Variants in NFE2L2 observed in about 807,000 individuals in gnomAD.
The protein encoded by NFE2L2 is nuclear factor erythroid 2-related factor 2.
In NFE2L2, 20 loss-of-function variants were observed where a neutral mutation model predicts 49.6. The observed-to-expected ratio is 0.40, with a 90% CI of 0.28 to 0.59. The LOEUF is 0.59. NFE2L2 is among the 20% of genes least tolerant of loss of function. The probability of loss-of-function intolerance (pLI) is 0.40; values close to 1 mark genes in which losing one functional copy is unlikely to be tolerated. For missense variants in NFE2L2, 578 were observed against 714.2 expected, an observed-to-expected ratio of 0.81 and a Z score of 2.17; for synonymous variants, 244 against 256.5, an observed-to-expected ratio of 0.95 and a Z score of 0.47.
chr2:177,261,155 A>C (rs1355037022), intron 1 of NFE2L2, among the ~76,000 whole-genome samples: 1 of 147,130 alleles, frequency 6.8e-6, no homozygotes, highest in Non-Finnish European at 1.5e-5. Flanking sequence ...TGGGCAACAG[A>C]ACAAGACTTC....
At chr2:177,263,300 GA>G (rs1211434198) in intron 1 of NFE2L2, 3 of 925,734 alleles carry the variant, frequency 3.2e-6, no homozygotes, top group African/African-American at 3.6e-5. Context: ...AACTGAAAAG[GA>G]AACATATATA....
chr2:177,259,311 A>AG (rs1482382402), intron 1 of NFE2L2, among the ~76,000 whole-genome samples: 1 of 152,034 alleles, frequency 6.6e-6, no homozygotes, highest in East Asian at 1.9e-4. Context: ...CAAAAAAAAA[A>AG]GACGAACTTG....
At chr2:177,232,239 G>T in intron 4 of NFE2L2, 153 bp downstream of exon 4, 1 of 926,240 alleles carries the variant, frequency 1.1e-6, no homozygotes. Flanking sequence ...TCCTCAAGAT[G>T]TCCAACCAAT....
chr2:177,231,457 A>AT lies in NFE2L2; in HGVS notation c.1145dup (p.Asp382GlufsTer2). On this transcript the variant is annotated frameshift_variant, in exon 5 of 5. Transcript: ENST00000397062. LOFTEE classifies it high-confidence loss of function. ...TCTGTTTGACACTTCCAGGGGCACT[A>AT]TCTAGCTCTTCCACTTCAGAATCAC... 6.2e-7 allele frequency: 1 copy of AT among 1,614,224 alleles called. No homozygotes were observed. The highest frequency in any genetic ancestry group is 8.5e-7 in the Non-Finnish European group (1 of 1,180,026).
chr2:177,250,177 A>G (rs953642315), intron 1 of NFE2L2, among the ~76,000 whole-genome samples: 1 of 152,240 alleles, frequency 6.6e-6, no homozygotes, highest in African/African-American at 2.4e-5. Context: ...TTATTCAACA[A>G]TGTTATGGTG....
At chr2:177,234,365 T>G (rs1483514268) in intron 1 of NFE2L2, 94 bp from the exon 2 acceptor site, 3 of 1,369,850 alleles carry the variant, frequency 2.2e-6, no homozygotes, top group Non-Finnish European at 1.9e-6. Flanking sequence ...CTGTTGATGG[T>G]GGGAAGTGGG....
chr2:177,243,468 G>A (rs1690009470), intron 1 of NFE2L2, among the ~76,000 whole-genome samples: 1 of 152,078 alleles, frequency 6.6e-6, no homozygotes, highest in African/African-American at 2.4e-5. Context: ...TTTTGATCCT[G>A]GATTTGTAAA....
Position 177,234,144 on chromosome 2 carries a change from CT to C in NFE2L2, c.172del (p.Arg58AspfsTer19). On this transcript the variant is annotated frameshift_variant, in exon 2 of 5. Transcript: ENST00000397062. LOFTEE classifies it high-confidence loss of function. ...TTGCTCCTTTTGGAGTTGTTCTTGT[CT>C]TTCCTTTTCAAGTTTTTTCTGTTTT... The part of the protein sequence containing the change: ...LEKQKKLEKE[R>X]QEQLQKEQEK... 1 of 1,614,136 alleles carries C rather than the reference CT, an allele frequency of 6.2e-7. No homozygotes were observed. Among genetic ancestry groups the C allele is most frequent in the Non-Finnish European group, 8.5e-7 (1 of 1,180,012 alleles).
At chr2:177,262,968 C>T (rs777802116) in intron 1 of NFE2L2, among the ~76,000 whole-genome samples, 3 of 152,170 alleles carry the variant, frequency 2.0e-5, no homozygotes, top group Non-Finnish European at 2.9e-5. Flanking sequence ...GAAAAAAGCA[C>T]AATTAATACA....
At chr2:177,232,829 T>C in intron 3 of NFE2L2, 1 of 514,954 alleles carries the variant, frequency 1.9e-6, no homozygotes, top group East Asian at 3.0e-5. Flanking sequence ...AAGTACAATC[T>C]TTAGGATTTA....
At chr2:177,233,103 A>G (rs1397936938) in intron 3 of NFE2L2, 147 bp downstream of exon 3, 7 of 666,540 alleles carry the variant, frequency 1.1e-5, no homozygotes, top group African/African-American at 7.8e-5. Flanking sequence ...TTCCTTGACA[A>G]GAGTATTTCC....
Position 177,230,505 on chromosome 2 carries a change from G to T in NFE2L2, c.*280C>A. The T allele has an allele frequency of 3.2e-6, 1 of 308,134 alleles. No individual in the cohort carries two copies. Among genetic ancestry groups the T allele is most frequent in the Non-Finnish European group, 5.9e-6 (1 of 169,620 alleles). The allele number at this position is 308,134 out of a possible 1,614,324, so 19.1% of individuals were successfully genotyped here. A position where few individuals can be genotyped will look rare whatever the true frequency, so the allele number is the denominator to read the frequency against. On this transcript the variant is annotated 3_prime_UTR_variant, in exon 5 of 5. Coordinates refer to ENST00000397062, the MANE Select transcript of NFE2L2 (RefSeq NM_006164.5). The stretch of plus-strand genomic sequence containing the variant: ...ATATAAATCTATGAATATAACAAAT[G>T]ACATAAGAACAGTATAAATAAGTTT...
At chr2:177,247,997 G>A (rs75202993) in intron 1 of NFE2L2, among the ~76,000 whole-genome samples, 2,480 of 152,236 alleles carry the variant, frequency 0.016, 66 homozygotes, top group African/African-American at 0.056. Context: ...CCCATCTACC[G>A]GCTCCTTAAA....
chr2:177,263,998 G>A (rs1690843090), intron 1 of NFE2L2: 1 of 964,306 alleles, frequency 1.0e-6, no homozygotes, highest in Non-Finnish European at 1.2e-6. Flanking sequence ...CGCACTCAAG[G>A]AGGTCTTGGG....
At chr2:177,249,418 A>G (rs1255161118) in intron 1 of NFE2L2, among the ~76,000 whole-genome samples, 1 of 152,078 alleles carries the variant, frequency 6.6e-6, no homozygotes, top group Non-Finnish European at 1.5e-5. Context: ...TGGTCTTATC[A>G]CTTGCAAAAT....
Position 177,237,628 on chromosome 2 carries a change from C to T in NFE2L2, c.46-3357G>A, listed in dbSNP as rs531570100. 9.8e-5 allele frequency among the ~76,000 whole-genome samples: 15 copies of T among 152,340 alleles called. No individual in the cohort carries two copies. The South Asian group carries it at 3.1e-3, about 32-fold the overall frequency. ...CCGCCTCCAGGGTTCAAGCAGTTCT[C>T]TCACCTCAGCCTCCTGAATAGCTGG... On this transcript the variant is annotated intron_variant, in intron 1 of 4. Coordinates refer to ENST00000397062, the MANE Select transcript of NFE2L2 (RefSeq NM_006164.5).
Position 177,251,899 on chromosome 2 carries a change from A to G in NFE2L2, c.45+12633T>C, listed in dbSNP as rs560118852. Among the ~76,000 whole-genome samples, 21 of 150,500 alleles carry G rather than the reference A, an allele frequency of 1.4e-4. No individual in the cohort carries two copies. The South Asian group carries it at 3.6e-3, about 26-fold the overall frequency. ...CCCGTGCCTGTAGTCCCAGCTACTC[A>G]GGAGGCTGAGGCAGAAGAATGGCGT... is the stretch of plus-strand genomic sequence containing the variant. On this transcript the variant is annotated intron_variant, in intron 1 of 4. Coordinates refer to ENST00000397062, the MANE Select transcript of NFE2L2 (RefSeq NM_006164.5).
At chr2:177,236,045 G>A (rs1272888239) in intron 1 of NFE2L2, among the ~76,000 whole-genome samples, 3 of 152,238 alleles carry the variant, frequency 2.0e-5, no homozygotes, top group African/African-American at 7.2e-5. Flanking sequence ...AATCAAGATG[G>A]GGGAACGGGA....
intron 1 of NFE2L2, among the ~76,000 whole-genome samples, chr2:177,256,749 C>T (rs879435207): frequency 1.3e-5 from 2 of 152,180 alleles, no homozygotes; most frequent in Admixed American, 1.3e-4. Flanking sequence ...TACACCCCCC[C>T]AACACAAAGG....
Sources: allele counts gnomAD v4.1 joint callset (sites outside exome capture counted in the v4.1 genomes callset), GRCh38; gene constraint gnomAD v4.1.1; transcripts MANE v1.5; gene names NCBI Gene and HGNC (gene_info 2026-07-23, HGNC 2026-07-21).